TTLL5: variants seen among roughly 807,000 people sequenced by gnomAD.
The protein encoded by TTLL5 is tubulin tyrosine ligase like 5.
Under a neutral mutation model 168.4 loss-of-function variants are expected in TTLL5, and 132 were observed. The observed-to-expected ratio is 0.78, with a 90% CI of 0.68 to 0.91. The LOEUF is 0.91. Ranked by LOEUF, TTLL5 falls within the 40% of genes least tolerant of loss-of-function variation. The probability of loss-of-function intolerance (pLI) is 0.00; values close to 1 mark genes in which losing one functional copy is unlikely to be tolerated. For synonymous variants in TTLL5, 546 were observed against 558.6 expected (o/e 0.98, Z 0.32); for missense variants, 1,545 against 1,581.5 (o/e 0.98, Z 0.39).
intron 6 of TTLL5, among the ~76,000 whole-genome samples, chr14:75,696,010 G>A (rs1477976526): frequency 6.7e-6 from 1 of 149,620 alleles, no homozygotes; most frequent in Non-Finnish European, 1.5e-5. Flanking sequence ...GCCCACCTCA[G>A]CCTTAGAAGC....
rs140710314 is a variant in TTLL5, at chr14:75,880,302, G to A, written c.3523-2383G>A. 1.4e-4 allele frequency among the ~76,000 whole-genome samples: 21 copies of A among 152,184 alleles called. No individual in the cohort carries two copies. The East Asian group carries it at 3.9e-3, about 28-fold the overall frequency. On this transcript the variant is annotated intron_variant, in intron 29 of 31. Coordinates refer to ENST00000298832, the MANE Select transcript of TTLL5 (RefSeq NM_015072.5). ...TATTTACATGTTTCAGATTTTGGGG[G>A]AAAAAATTATGAATTTGAAAATATA...
At position 75,761,208 on chromosome 14, in the gene TTLL5, A is replaced by C. The variant is rs1207953487; in HGVS notation, c.1551-3407A>C. Reference sequence around the variant, plus strand: ...ACCACTGAACATCTAGCAGAATGGCAGATATTATACTGACAATACTAAATG... The same window carrying C: ...ACCACTGAACATCTAGCAGAATGGCCGATATTATACTGACAATACTAAATG... On this transcript the variant is annotated intron_variant, in intron 18 of 31. Coordinates refer to ENST00000298832, the MANE Select transcript of TTLL5 (RefSeq NM_015072.5). 2.0e-5 allele frequency among the ~76,000 whole-genome samples: 3 copies of C among 152,194 alleles called. No individual in the cohort carries two copies. In the East Asian group the frequency reaches 5.8e-4, roughly 29 times the overall value.
chr14:75,880,879 G>A (rs1366605110), intron 29 of TTLL5, among the ~76,000 whole-genome samples: 1 of 152,074 alleles, frequency 6.6e-6, no homozygotes, highest in Non-Finnish European at 1.5e-5. Context: ...TGCCCTCCTG[G>A]CTTTGCCCAT....
chr14:75,707,771 G>A (rs1886764908), intron 9 of TTLL5, 64 bp downstream of exon 9: 1 of 1,314,326 alleles, frequency 7.6e-7, no homozygotes, highest in South Asian at 1.2e-5. Context: ...TATTAAGAGT[G>A]GATCCATTAA....
rs762310604 is a variant in TTLL5, at chr14:75,882,670, C to CT, written c.3523-5dup. 0.011 allele frequency: 12,073 copies of CT among 1,130,754 alleles called. No individual in the cohort carries two copies. Among genetic ancestry groups the CT allele is most frequent in the South Asian group, 0.018 (1,082 of 60,194 alleles). The allele number at this position is 1,130,754 out of a possible 1,614,324, so 70.0% of individuals were successfully genotyped here. A position where few individuals can be genotyped will look rare whatever the true frequency, so the allele number is the denominator to read the frequency against. On this transcript the variant is annotated splice_polypyrimidine_tract_variant and intron_variant, in intron 29 of 31. Coordinates refer to ENST00000298832, the MANE Select transcript of TTLL5 (RefSeq NM_015072.5). ...GTGATGTCCATCGATCATTTTTTTCCTTTTTTTTTTGTAGGCAATCTTTGG... is the reference window on the plus strand; with the variant it reads ...GTGATGTCCATCGATCATTTTTTTCCTTTTTTTTTTTGTAGGCAATCTTTGG...
intron 31 of TTLL5, among the ~76,000 whole-genome samples, chr14:75,952,679 A>G (rs1182074529): frequency 1.3e-5 from 2 of 152,242 alleles, no homozygotes; most frequent in Non-Finnish European, 2.9e-5. Flanking sequence ...ATTCAGCCAT[A>G]AAAAAGGAGT....
chr14:75,680,615 AT>A (rs35254410), intron 3 of TTLL5, among the ~76,000 whole-genome samples: 1,848 of 101,976 alleles, frequency 0.018, 23 homozygotes, highest in East Asian at 0.095. Flanking sequence ...TAGAGCAGGG[AT>A]TTTTTTTTTT....
intron 15 of TTLL5, among the ~76,000 whole-genome samples, chr14:75,739,944 C>T (rs1432175114): frequency 6.6e-6 from 1 of 152,180 alleles, no homozygotes; most frequent in Non-Finnish European, 1.5e-5. Flanking sequence ...TTGCCATCAT[C>T]CACAAATGCT....
chr14:75,889,393 T>C lies in TTLL5; in HGVS notation c.3740+6491T>C, dbSNP rs1458769322. On this transcript the variant is annotated intron_variant, in intron 30 of 31. Transcript: ENST00000298832. ...ACATAAAGGGATTAGTTAATAAGAT[T>C]AAATCAATAGATACATAACTTTGTG... Among the ~76,000 whole-genome samples the C allele has an allele frequency of 2.0e-5, 3 of 152,128 alleles. No homozygotes were observed. The South Asian group carries it at 6.2e-4, about 32-fold the overall frequency.
rs139929062 is a variant in TTLL5, at chr14:75,928,057, T to C, written c.3823+25833T>C. 5.6e-3 allele frequency among the ~76,000 whole-genome samples: 848 copies of C among 152,028 alleles called. 14 individuals carry two copies. The highest frequency in any genetic ancestry group is 0.027 in the South Asian group (128 of 4,808). On this transcript the variant is annotated intron_variant, in intron 31 of 31. Coordinates refer to ENST00000298832, the MANE Select transcript of TTLL5 (RefSeq NM_015072.5). ...ATACCTCAAGTGACCCAGCCCCTGG[T>C]TTGCTGGGATGCTCTTGGTGTTCGT... is the stretch of plus-strand genomic sequence containing the variant.
intron 31 of TTLL5, among the ~76,000 whole-genome samples, chr14:75,923,496 C>T (rs1194535587): frequency 6.6e-6 from 1 of 152,142 alleles, no homozygotes; most frequent in Non-Finnish European, 1.5e-5. Flanking sequence ...GCAGGTTGTT[C>T]AGTTTCCATG....
chr14:75,724,987 G>A lies in TTLL5; in HGVS notation c.1042+4284G>A, dbSNP rs531865460. On this transcript the variant is annotated intron_variant, in intron 12 of 31. Coordinates refer to ENST00000298832, the MANE Select transcript of TTLL5 (RefSeq NM_015072.5). Reference sequence around the variant, plus strand: ...ACAGTGGGTTTATCTCTGTGTATTAGCATGGCTGAAGTCATGGGTTGTGAC... The same window carrying A: ...ACAGTGGGTTTATCTCTGTGTATTAACATGGCTGAAGTCATGGGTTGTGAC... 2.0e-5 allele frequency among the ~76,000 whole-genome samples: 3 copies of A among 152,308 alleles called. No homozygotes were observed. The East Asian group carries it at 5.8e-4, about 29-fold the overall frequency.
chr14:75,695,653 C>T (rs766712603), intron 6 of TTLL5, among the ~76,000 whole-genome samples: 12 of 152,194 alleles, frequency 7.9e-5, no homozygotes, highest in East Asian at 1.9e-4. Context: ...TTTCTCAGAC[C>T]GGCCAACACT....
intron 12 of TTLL5, among the ~76,000 whole-genome samples, chr14:75,726,971 A>G (rs943123249): frequency 1.3e-4 from 20 of 152,232 alleles, no homozygotes; most frequent in African/African-American, 4.3e-4. Context: ...AAAATCTTCT[A>G]GGAACCAAGC....
chr14:75,834,514 A>T (rs1895769676), intron 28 of TTLL5, among the ~76,000 whole-genome samples: 1 of 151,944 alleles, frequency 6.6e-6, no homozygotes. Context: ...TATTTGGCAA[A>T]CACTTTTTAC....
intron 21 of TTLL5, among the ~76,000 whole-genome samples, chr14:75,773,967 G>T (rs201914519): frequency 2.0e-5 from 2 of 101,582 alleles, no homozygotes; most frequent in African/African-American, 8.1e-5. Context: ...AAGAGAGAGA[G>T]AGAGAGAGAG....
At chr14:75,940,690 T>C (rs1472542142) in intron 31 of TTLL5, among the ~76,000 whole-genome samples, 2 of 152,336 alleles carry the variant, frequency 1.3e-5, no homozygotes, top group African/African-American at 4.8e-5. Flanking sequence ...ACTATCTAAA[T>C]GTAGTTACAA....
At chr14:75,798,074 T>C (rs1724098111) in intron 27 of TTLL5, among the ~76,000 whole-genome samples, 4 of 152,166 alleles carry the variant, frequency 2.6e-5, no homozygotes, top group Admixed American at 2.6e-4. Context: ...CATCTGGTCC[T>C]GGACTTCTTT....
intron 18 of TTLL5, among the ~76,000 whole-genome samples, chr14:75,763,520 C>A (rs1465902769): frequency 6.6e-6 from 1 of 152,106 alleles, no homozygotes; most frequent in African/African-American, 2.4e-5. Flanking sequence ...ACTGAAAACT[C>A]CCAGAGGAGT....
Sources: gnomAD v4.1 joint callset for allele counts (sites outside exome capture counted in the v4.1 genomes callset) on GRCh38, gnomAD v4.1.1 for gene constraint, MANE v1.5 for transcripts, NCBI Gene and HGNC (gene_info 2026-07-23, HGNC 2026-07-21) for gene names.